The following ZC4H2 variants were observed in gnomAD, a reference collection of about 807,000 sequenced individuals.
ZC4H2 encodes the protein zinc finger C4H2-type containing.
For missense variants in ZC4H2, 137 were observed against 173.9 expected, an observed-to-expected ratio of 0.79 and a Z score of 1.19; for synonymous variants, 84 against 66.3, an observed-to-expected ratio of 1.27 and a Z score of -1.30.
intron 1 of ZC4H2, among the ~76,000 whole-genome samples, chrX:64,942,357 T>TTTTATTA (rs1253197334): frequency 9.0e-6 from 1 of 111,095 alleles, no homozygotes; most frequent in Non-Finnish European, 1.9e-5. Context: ...TCATTGATTT[T>TTTTATTA]TTTATTATAC....
At chrX:65,021,795 G>GA (rs1473740433) in intron 1 of ZC4H2, among the ~76,000 whole-genome samples, 1 of 110,330 alleles carries the variant, frequency 9.1e-6, no homozygotes, top group Non-Finnish European at 1.9e-5. Context: ...TAATAAAGAA[G>GA]AAAAAAGAGA....
At chrX:64,971,445 T>C (rs767447168) in intron 1 of ZC4H2, among the ~76,000 whole-genome samples, 4 of 111,580 alleles carry the variant, frequency 3.6e-5, no homozygotes, top group Non-Finnish European at 7.5e-5. Context: ...AGGATAGAAA[T>C]AGAATTAACT....
intron 1 of ZC4H2, among the ~76,000 whole-genome samples, chrX:65,024,201 A>G (rs1438884792): frequency 9.0e-6 from 1 of 110,727 alleles, no homozygotes; most frequent in Non-Finnish European, 1.9e-5. Context: ...GGGCATGTGT[A>G]TACCTATGTA....
At chrX:64,987,170 C>T (rs1240557776) in intron 1 of ZC4H2, among the ~76,000 whole-genome samples, 8 of 110,084 alleles carry the variant, frequency 7.3e-5, no homozygotes, top group Non-Finnish European at 1.1e-4. Flanking sequence ...CCTTGTGATC[C>T]GCCCGTCTCA....
At chrX:65,003,882 A>C (rs1017060018) in intron 1 of ZC4H2, among the ~76,000 whole-genome samples, 3 of 110,364 alleles carry the variant, frequency 2.7e-5, no homozygotes, top group Non-Finnish European at 5.7e-5. Flanking sequence ...GTCTCAAAAA[A>C]AAAAAAAAAT....
At chrX:64,946,581 GCACACACACA>G (rs61275459) in intron 1 of ZC4H2, among the ~76,000 whole-genome samples, 15 of 95,894 alleles carry the variant, frequency 1.6e-4, no homozygotes, top group Middle Eastern at 5.3e-3. Context: ...TTAAATGCGT[GCACACACACA>G]CACACACACA....
chrX:65,033,503 T>C (rs1302589836), intron 1 of ZC4H2, among the ~76,000 whole-genome samples: 1 of 111,844 alleles, frequency 8.9e-6, no homozygotes, highest in African/African-American at 3.3e-5. Context: ...AAAACTGGTC[T>C]GTGGCTGGGT....
At chrX:64,928,626 C>T (rs1377174710) in intron 1 of ZC4H2, among the ~76,000 whole-genome samples, 2 of 91,293 alleles carry the variant, frequency 2.2e-5, no homozygotes, top group African/African-American at 9.6e-5. Flanking sequence ...CCTTTGCCTG[C>T]TTTCTCCTTC....
chrX:64,921,700 C>T (rs1265488749), intron 2 of ZC4H2, 117 bp downstream of exon 2: 3 of 815,233 alleles, frequency 3.7e-6, no homozygotes, highest in Middle Eastern at 4.4e-4. Flanking sequence ...CTACCACAGC[C>T]TGCACTGATG....
At chrX:65,006,047 A>T (rs1355666514) in intron 1 of ZC4H2, among the ~76,000 whole-genome samples, 2 of 111,853 alleles carry the variant, frequency 1.8e-5, no homozygotes, top group East Asian at 5.6e-4. Context: ...ATCATTAAAA[A>T]GTCAGGAAAC....
At chrX:64,954,989 G>C (rs906830743) in intron 1 of ZC4H2, among the ~76,000 whole-genome samples, 1 of 111,611 alleles carries the variant, frequency 9.0e-6, no homozygotes, top group African/African-American at 3.3e-5. Flanking sequence ...ATTAAGCATG[G>C]ACTCATGGAG....
At chrX:65,011,361 C>T (rs909528273) in intron 1 of ZC4H2, among the ~76,000 whole-genome samples, 16 of 111,538 alleles carry the variant, frequency 1.4e-4, no homozygotes, top group African/African-American at 5.2e-4. Context: ...TCCCCCTTTG[C>T]TCAATCCATT....
chrX:65,029,644 T>C (rs1225887714), intron 1 of ZC4H2, among the ~76,000 whole-genome samples: 2 of 111,394 alleles, frequency 1.8e-5, no homozygotes, highest in Non-Finnish European at 3.8e-5. Flanking sequence ...ACCTCTGAGG[T>C]GCTAGATGAG....
chrX:64,954,372 AATTATATATATTTATAAT>A (rs1931060257), intron 1 of ZC4H2, among the ~76,000 whole-genome samples: 1 of 74,342 alleles, frequency 1.3e-5, no homozygotes, highest in Admixed American at 1.5e-4. Context: ...ATATATATAT[AATTATATATATTTATAAT>A]TATATATATA....
intron 1 of ZC4H2, among the ~76,000 whole-genome samples, chrX:64,960,770 T>A (rs1284676616): frequency 8.9e-6 from 1 of 111,998 alleles, no homozygotes; most frequent in Non-Finnish European, 1.9e-5. Flanking sequence ...ATTTGTGAAT[T>A]TTCCAGTTTT....
chrX:64,932,497 A>G (rs1929805810), intron 1 of ZC4H2, among the ~76,000 whole-genome samples: 1 of 111,485 alleles, frequency 9.0e-6, no homozygotes, highest in Non-Finnish European at 1.9e-5. Flanking sequence ...ATTTTGGTGT[A>G]TATCAAGGTT....
At chrX:64,932,200 T>A (rs1459944443) in intron 1 of ZC4H2, among the ~76,000 whole-genome samples, 1 of 111,439 alleles carries the variant, frequency 9.0e-6, no homozygotes, top group Admixed American at 9.6e-5. Flanking sequence ...TGGTTTCCAT[T>A]TGTGTGGAAT....
chrX:64,934,934 G>GT (rs1929926296), intron 1 of ZC4H2, among the ~76,000 whole-genome samples: 1 of 109,609 alleles, frequency 9.1e-6, no homozygotes, highest in Non-Finnish European at 1.9e-5. Flanking sequence ...CTAGCTGCAG[G>GT]GTTTTTTTTT....
At chrX:64,922,385 G>A (rs1057148024) in intron 1 of ZC4H2, 1 of 126,624 alleles carries the variant, frequency 7.9e-6, no homozygotes, top group Non-Finnish European at 1.6e-5. Context: ...CAGGAGGATT[G>A]CTTAAGCTAT....
Sources: gnomAD v4.1 joint callset for allele counts (sites outside exome capture counted in the v4.1 genomes callset) on GRCh38, gnomAD v4.1.1 for gene constraint, MANE v1.5 for transcripts, NCBI Gene and HGNC (gene_info 2026-07-23, HGNC 2026-07-21) for gene names.